RSU1: variants seen among roughly 807,000 people sequenced by gnomAD.
The protein encoded by RSU1 is Ras suppressor protein 1.
RSU1 carries 26 observed loss-of-function variants against 31.1 expected under a neutral mutation model. The ratio of observed to expected loss-of-function variants is 0.84; its 90% CI spans 0.61 to 1.16. RSU1 has a LOEUF of 1.16. Among genes scored for constraint, RSU1 ranks in the 50% most tolerant of loss-of-function variants. The pLI, the probability that RSU1 is intolerant of heterozygous loss-of-function variation, is 0.00. For synonymous variants in RSU1, 164 were observed against 136.3 expected, an observed-to-expected ratio of 1.20 and a Z score of -1.41; for missense variants, 320 against 339.1, an observed-to-expected ratio of 0.94 and a Z score of 0.44.
chr10:16,812,985 CTTTT>C, intron 2 of RSU1, among the ~76,000 whole-genome samples: 1 of 145,402 alleles, frequency 6.9e-6, no homozygotes, highest in African/African-American at 2.5e-5. Context: ...TGCTGGGAAG[CTTTT>C]TTTTTTTTTT....
chr10:16,629,015 G>A (rs1834203968), intron 8 of RSU1, among the ~76,000 whole-genome samples: 1 of 152,048 alleles, frequency 6.6e-6, no homozygotes, highest in South Asian at 2.1e-4. Context: ...TTCCTCAAAT[G>A]CATCACTCTT....
chr10:16,813,786 A>G (rs1219697223), intron 2 of RSU1, among the ~76,000 whole-genome samples: 1 of 152,232 alleles, frequency 6.6e-6, no homozygotes. Flanking sequence ...AGAAAACTGT[A>G]GAACCTGTCT....
At chr10:16,701,362 C>T (rs1835789437) in intron 7 of RSU1, among the ~76,000 whole-genome samples, 1 of 152,206 alleles carries the variant, frequency 6.6e-6, no homozygotes, top group South Asian at 2.1e-4. Context: ...GAATCTAGGT[C>T]TGAAGTTGCT....
At chr10:16,752,009 A>C (rs893899025) in intron 7 of RSU1, among the ~76,000 whole-genome samples, 5 of 152,186 alleles carry the variant, frequency 3.3e-5, no homozygotes, top group African/African-American at 1.2e-4. Flanking sequence ...CAGCAAGAAC[A>C]TATTTAACAA....
intron 8 of RSU1, among the ~76,000 whole-genome samples, chr10:16,665,998 C>T (rs1834981534): frequency 6.6e-6 from 1 of 152,104 alleles, no homozygotes; most frequent in Non-Finnish European, 1.5e-5. Flanking sequence ...ATACTGTGTC[C>T]TTGGGATTAA....
At chr10:16,648,134 T>TTTTATTTTATTTTTTA (rs1834607859) in intron 8 of RSU1, among the ~76,000 whole-genome samples, 1 of 143,508 alleles carries the variant, frequency 7.0e-6, no homozygotes, top group African/African-American at 2.6e-5. Context: ...AAAAAAAAAT[T>TTTTATTTTATTTTTTA]TTTTTTTTTT....
chr10:16,676,385 A>C (rs146006562), intron 8 of RSU1, among the ~76,000 whole-genome samples: 1,757 of 152,242 alleles, frequency 0.012, 34 homozygotes, highest in African/African-American at 0.04. Flanking sequence ...GCCCTTTATA[A>C]AACCATCAGA....
At chr10:16,711,218 C>G (rs988471080) in intron 7 of RSU1, among the ~76,000 whole-genome samples, 3 of 152,086 alleles carry the variant, frequency 2.0e-5, no homozygotes, top group Non-Finnish European at 2.9e-5. Flanking sequence ...ATAATATTCT[C>G]TATAATTTTC....
At chr10:16,751,901 G>T (rs1167153380) in intron 7 of RSU1, among the ~76,000 whole-genome samples, 1 of 152,160 alleles carries the variant, frequency 6.6e-6, no homozygotes, top group Non-Finnish European at 1.5e-5. Context: ...TGGCTTGGAG[G>T]TTATTTCTGG....
chr10:16,754,484 T>C (rs1837041842), intron 5 of RSU1, among the ~76,000 whole-genome samples: 1 of 151,700 alleles, frequency 6.6e-6, no homozygotes, highest in Non-Finnish European at 1.5e-5. Flanking sequence ...TTTTAATAAA[T>C]AATTGGTTGG....
intron 8 of RSU1, among the ~76,000 whole-genome samples, chr10:16,629,993 T>C (rs1480831004): frequency 6.6e-6 from 1 of 152,194 alleles, no homozygotes; most frequent in Non-Finnish European, 1.5e-5. Context: ...GAGAAAAAAA[T>C]GACTATTAAA....
chr10:16,696,529 T>G (rs1486055574), intron 7 of RSU1, among the ~76,000 whole-genome samples: 1 of 152,140 alleles, frequency 6.6e-6, no homozygotes. Flanking sequence ...TTTAAGAAAA[T>G]ACACACTACT....
chr10:16,621,010 T>C (rs907842534), intron 8 of RSU1, among the ~76,000 whole-genome samples: 3 of 152,192 alleles, frequency 2.0e-5, no homozygotes, highest in Non-Finnish European at 4.4e-5. Flanking sequence ...TCAATCTGCG[T>C]ACTTAACCAA....
intron 8 of RSU1, among the ~76,000 whole-genome samples, chr10:16,610,590 C>T (rs1833876559): frequency 6.6e-6 from 1 of 152,160 alleles, no homozygotes; most frequent in African/African-American, 2.4e-5. Context: ...CCTGATGATC[C>T]GTCACTATTT....
chr10:16,706,177 T>C (rs1325451765), intron 7 of RSU1, among the ~76,000 whole-genome samples: 1 of 152,198 alleles, frequency 6.6e-6, no homozygotes, highest in Non-Finnish European at 1.5e-5. Context: ...TGCTGGGTCG[T>C]ATGGTAGTTT....
At chr10:16,701,427 T>TA (rs1301326211) in intron 7 of RSU1, among the ~76,000 whole-genome samples, 1 of 152,200 alleles carries the variant, frequency 6.6e-6, no homozygotes, top group Non-Finnish European at 1.5e-5. Context: ...ATGACAGCTC[T>TA]CAAATTTATT....
chr10:16,789,734 T>C (rs533797294), intron 2 of RSU1, among the ~76,000 whole-genome samples: 22 of 152,330 alleles, frequency 1.4e-4, no homozygotes, highest in East Asian at 1.9e-4. Flanking sequence ...TTCTGCTGTG[T>C]TGATAACATC....
At chr10:16,658,240 C>T (rs1484402071) in intron 8 of RSU1, among the ~76,000 whole-genome samples, 2 of 152,134 alleles carry the variant, frequency 1.3e-5, no homozygotes, top group African/African-American at 4.8e-5. Flanking sequence ...CAGAATATAT[C>T]TAAGAGGGCT....
intron 7 of RSU1, among the ~76,000 whole-genome samples, chr10:16,747,041 T>C (rs1367091957): frequency 2.0e-5 from 3 of 152,138 alleles, no homozygotes; most frequent in Non-Finnish European, 4.4e-5. Context: ...GAACCCCTTT[T>C]TCCTATGAAG....
Sources: allele counts gnomAD v4.1 joint callset (sites outside exome capture counted in the v4.1 genomes callset), GRCh38; gene constraint gnomAD v4.1.1; transcripts MANE v1.5; gene names NCBI Gene and HGNC (gene_info 2026-07-23, HGNC 2026-07-21).